MAGI2: variants seen among roughly 807,000 people sequenced by gnomAD.
MAGI2 encodes membrane-associated guanylate kinase, WW and PDZ domain-containing protein 2.
A neutral mutation model predicts 133.3 loss-of-function variants in MAGI2; 35 were observed. That is an observed-to-expected ratio of 0.26 (90% CI 0.20 to 0.35). MAGI2 has a LOEUF of 0.35. Among genes scored for constraint, MAGI2 ranks in the 10% least tolerant of loss-of-function variants. MAGI2 has a pLI of 1.00. For missense variants in MAGI2, 1,636 were observed against 1,863.4 expected, an observed-to-expected ratio of 0.88 and a Z score of 2.25; for synonymous variants, 729 against 710.6, an observed-to-expected ratio of 1.03 and a Z score of -0.41.
chr7:78,630,460 G>A (rs936142331), intron 2 of MAGI2, among the ~76,000 whole-genome samples: 1 of 133,022 alleles, frequency 7.5e-6, no homozygotes, highest in African/African-American at 2.8e-5. Flanking sequence ...CTGTTGCCCA[G>A]GCTGAGAATG....
intron 2 of MAGI2, among the ~76,000 whole-genome samples, chr7:78,669,496 G>A (rs370432320): frequency 1.3e-5 from 2 of 152,070 alleles, no homozygotes; most frequent in Non-Finnish European, 2.9e-5. Context: ...AGAGGTACAA[G>A]GAGGAGCTGG....
At chr7:79,101,444 G>T (rs1817958146) in intron 1 of MAGI2, among the ~76,000 whole-genome samples, 1 of 152,098 alleles carries the variant, frequency 6.6e-6, no homozygotes, top group Admixed American at 6.5e-5. Flanking sequence ...GGAAAATGGG[G>T]CCGGGCGCAG....
chr7:79,038,430 CT>C (rs569712631), intron 1 of MAGI2, among the ~76,000 whole-genome samples: 1 of 152,028 alleles, frequency 6.6e-6, no homozygotes, highest in African/African-American at 2.4e-5. Context: ...ATTTTGTACC[CT>C]TTTTTATGGC....
At chr7:78,703,846 A>G (rs893579384) in intron 2 of MAGI2, among the ~76,000 whole-genome samples, 1 of 151,850 alleles carries the variant, frequency 6.6e-6, no homozygotes, top group African/African-American at 2.4e-5. Context: ...ACACACACAC[A>G]CACTTTTCTT....
At chr7:78,536,465 G>A (rs1797940473) in intron 3 of MAGI2, among the ~76,000 whole-genome samples, 1 of 152,092 alleles carries the variant, frequency 6.6e-6, no homozygotes, top group African/African-American at 2.4e-5. Flanking sequence ...CCTTGTCTGA[G>A]CCCCGGGCAA....
chr7:79,097,853 G>A (rs971013190), intron 1 of MAGI2, among the ~76,000 whole-genome samples: 3 of 152,154 alleles, frequency 2.0e-5, no homozygotes, highest in African/African-American at 4.8e-5. Context: ...CAGGCGTGGT[G>A]GCTTATGCAT....
intron 1 of MAGI2, among the ~76,000 whole-genome samples, chr7:79,097,205 T>C (rs1372446802): frequency 6.6e-6 from 1 of 152,210 alleles, no homozygotes; most frequent in Non-Finnish European, 1.5e-5. Context: ...ATCCCTATTA[T>C]ACAGATGAGG....
At chr7:78,662,755 T>C (rs1585009084) in intron 2 of MAGI2, among the ~76,000 whole-genome samples, 2 of 152,250 alleles carry the variant, frequency 1.3e-5, no homozygotes, top group East Asian at 1.9e-4. Context: ...TAACTACTGG[T>C]GAAGAGAGAA....
chr7:78,323,062 GA>G (rs11431237), intron 9 of MAGI2, among the ~76,000 whole-genome samples: 1 of 143,840 alleles, frequency 7.0e-6, no homozygotes. Context: ...GTCTATGGAA[GA>G]AAAAAAAAAA....
At chr7:78,026,733 G>C (rs900737662) in intron 21 of MAGI2, among the ~76,000 whole-genome samples, 3 of 152,140 alleles carry the variant, frequency 2.0e-5, no homozygotes, top group African/African-American at 7.2e-5. Context: ...GTGGCCTCAG[G>C]GCATCCAGCT....
At chr7:78,788,252 T>G (rs1035338157) in intron 2 of MAGI2, among the ~76,000 whole-genome samples, 1 of 152,208 alleles carries the variant, frequency 6.6e-6, no homozygotes, top group African/African-American at 2.4e-5. Flanking sequence ...TGGGACAATC[T>G]TTTTTATATA....
chr7:78,701,990 C>T (rs1818123986), intron 2 of MAGI2, among the ~76,000 whole-genome samples: 2 of 152,012 alleles, frequency 1.3e-5, no homozygotes, highest in South Asian at 4.1e-4. Context: ...GATGAATTCT[C>T]ATAATTCTAG....
intron 4 of MAGI2, among the ~76,000 whole-genome samples, chr7:78,506,371 T>G (rs1041301567): frequency 1.3e-5 from 2 of 152,042 alleles, no homozygotes; most frequent in African/African-American, 2.4e-5. Flanking sequence ...CAGAGAATTC[T>G]TAGATGGAAA....
At chr7:79,039,573 C>A (rs1447612213) in intron 1 of MAGI2, among the ~76,000 whole-genome samples, 1 of 151,574 alleles carries the variant, frequency 6.6e-6, no homozygotes, top group Non-Finnish European at 1.5e-5. Context: ...GAAGAGACAA[C>A]CTACAGAATA....
Position 78,032,067 on chromosome 7 carries a change from G to A in MAGI2, c.3707-12091C>T, listed in dbSNP as rs186328028. 3.0e-3 allele frequency among the ~76,000 whole-genome samples: 415 copies of A among 140,054 alleles called. 1 individual carries two copies. The highest frequency in any genetic ancestry group is 4.0e-3 in the Middle Eastern group (1 of 250). 91.9% of individuals were successfully genotyped at this position (140,054 alleles called of 152,430 possible). A position where few individuals can be genotyped will look rare whatever the true frequency, so the allele number is the denominator to read the frequency against. ...CTGTTTAAAAAGAAAATGAATTAGT[G>A]AAAATAGAGCCCCTGTGCCTGGAGC... On this transcript the variant is annotated intron_variant, in intron 21 of 21. Coordinates refer to ENST00000354212, the MANE Select transcript of MAGI2 (RefSeq NM_012301.4).
intron 1 of MAGI2, among the ~76,000 whole-genome samples, chr7:79,098,346 C>T (rs1817687275): frequency 6.6e-6 from 1 of 152,286 alleles, no homozygotes; most frequent in Middle Eastern, 3.4e-3. Flanking sequence ...ATTTACAATA[C>T]TGTTATTTTA....
At chr7:78,231,246 A>G (rs1038011812) in intron 10 of MAGI2, among the ~76,000 whole-genome samples, 1 of 152,196 alleles carries the variant, frequency 6.6e-6, no homozygotes, top group Non-Finnish European at 1.5e-5. Flanking sequence ...CAGCAGAAAG[A>G]AAAGATCTGA....
chr7:78,938,799 T>C (rs940573403), intron 2 of MAGI2, among the ~76,000 whole-genome samples: 2 of 152,172 alleles, frequency 1.3e-5, no homozygotes, highest in Non-Finnish European at 2.9e-5. Context: ...GATATAAAGA[T>C]GAATAGGACA....
At chr7:78,397,198 A>G (rs1349766162) in intron 6 of MAGI2, among the ~76,000 whole-genome samples, 1 of 152,092 alleles carries the variant, frequency 6.6e-6, no homozygotes, top group Non-Finnish European at 1.5e-5. Context: ...GAAACCAGAA[A>G]GAAAAGAGGA....
Sources: gnomAD v4.1 joint callset for allele counts (sites outside exome capture counted in the v4.1 genomes callset) on GRCh38, gnomAD v4.1.1 for gene constraint, MANE v1.5 for transcripts, NCBI Gene and HGNC (gene_info 2026-07-23, HGNC 2026-07-21) for gene names.